Variants in CCDC85A observed in about 807,000 individuals in gnomAD.
CCDC85A encodes the protein coiled-coil domain-containing protein 85A.
In CCDC85A, 38 loss-of-function variants were observed where a neutral mutation model predicts 50.2. That is an observed-to-expected ratio of 0.76 (90% CI 0.58 to 0.99). The LOEUF (loss-of-function observed/expected upper bound fraction) is 0.99. Among genes scored for constraint, CCDC85A ranks in the 50% least tolerant of loss-of-function variants. CCDC85A has a pLI of 0.00. For missense variants in CCDC85A, 820 were observed against 742.0 expected (o/e 1.11, Z -1.22); for synonymous variants, 366 against 301.4 (o/e 1.21, Z -2.22).
intron 4 of CCDC85A, among the ~76,000 whole-genome samples, chr2:56,372,720 A>G (rs2104392113): frequency 6.6e-6 from 1 of 152,278 alleles, no homozygotes; most frequent in Non-Finnish European, 1.5e-5. Flanking sequence ...GAGAAGAACA[A>G]AAGTACCCTG....
intron 2 of CCDC85A, among the ~76,000 whole-genome samples, chr2:56,227,156 A>C (rs929004748): frequency 1.3e-5 from 2 of 152,154 alleles, no homozygotes; most frequent in Non-Finnish European, 2.9e-5. Flanking sequence ...TGTTGTTTCT[A>C]GTGTAAAAAC....
At chr2:56,302,781 G>C (rs1256151548) in intron 2 of CCDC85A, among the ~76,000 whole-genome samples, 1 of 152,122 alleles carries the variant, frequency 6.6e-6, no homozygotes, top group East Asian at 1.9e-4. Flanking sequence ...TGTTACATAA[G>C]GTCTTTTTCA....
chr2:56,384,422 A>G lies in CCDC85A; in HGVS notation c.*67A>G. ...GTGATAGAAGACAAGAAGAAAAAGGAAAGAGTGGGTTTCCACAAACCTGGA... is the reference window on the plus strand; with the variant it reads ...GTGATAGAAGACAAGAAGAAAAAGGGAAGAGTGGGTTTCCACAAACCTGGA... On this transcript the variant is annotated 3_prime_UTR_variant, in exon 6 of 6. Coordinates refer to ENST00000407595, the MANE Select transcript of CCDC85A (RefSeq NM_001080433.2). 1.4e-6 allele frequency: 2 copies of G among 1,402,446 alleles called. No homozygotes were observed. The highest frequency in any genetic ancestry group is 2.3e-5 in the East Asian group (1 of 43,498). The allele number at this position is 1,402,446 out of a possible 1,614,324, so 86.9% of individuals were successfully genotyped here. A position where few individuals can be genotyped will look rare whatever the true frequency, so the allele number is the denominator to read the frequency against.
Position 56,193,282 on chromosome 2 carries a change from A to C in CCDC85A, c.1082A>C (p.His361Pro). 6.2e-7 allele frequency: 1 copy of C among 1,613,938 alleles called. No homozygotes were observed. The highest frequency in any genetic ancestry group is 1.3e-5 in the African/African-American group (1 of 75,054). Residue 361 changes from histidine to proline, a missense_variant, in exon 2 of 6, where the codon CAC becomes CCC. Coordinates refer to ENST00000407595, the MANE Select transcript of CCDC85A (RefSeq NM_001080433.2). ...AGAGCCAGGGGCACCAGCCCGGAGCACCTCAAACAACATTATGGAGGGAGC... is the reference window on the plus strand; with the variant it reads ...AGAGCCAGGGGCACCAGCCCGGAGCCCCTCAAACAACATTATGGAGGGAGC... ...LPRARGTSPE[H>P]LKQHYGGSPD...
chr2:56,232,965 T>C (rs1273446719), intron 2 of CCDC85A, among the ~76,000 whole-genome samples: 1 of 152,132 alleles, frequency 6.6e-6, no homozygotes, highest in Non-Finnish European at 1.5e-5. Flanking sequence ...CTCTAGAGGG[T>C]TCTGCCTTGC....
intron 1 of CCDC85A, among the ~76,000 whole-genome samples, chr2:56,191,108 C>T (rs1161803986): frequency 6.6e-6 from 1 of 152,210 alleles, no homozygotes; most frequent in Admixed American, 6.5e-5. Flanking sequence ...CTCTCCCTGC[C>T]TGGGATCATC....
intron 2 of CCDC85A, among the ~76,000 whole-genome samples, chr2:56,309,502 A>G (rs190607297): frequency 2.0e-5 from 3 of 152,294 alleles, no homozygotes; most frequent in Admixed American, 2.0e-4. Flanking sequence ...AATAATGGTG[A>G]TCCTAAGTGA....
At chr2:56,259,000 G>A (rs75069660) in intron 2 of CCDC85A, among the ~76,000 whole-genome samples, 1,804 of 152,274 alleles carry the variant, frequency 0.012, 43 homozygotes, top group African/African-American at 0.041. Flanking sequence ...AACACTAAAT[G>A]AATAAAATAA....
chr2:56,363,754 G>T (rs1392027451), intron 3 of CCDC85A, among the ~76,000 whole-genome samples: 1 of 152,178 alleles, frequency 6.6e-6, no homozygotes, highest in African/African-American at 2.4e-5. Context: ...GCATGCTGAG[G>T]TGTTTAACAC....
intron 2 of CCDC85A, among the ~76,000 whole-genome samples, chr2:56,285,464 T>C (rs995491204): frequency 6.9e-6 from 1 of 144,248 alleles, no homozygotes; most frequent in Admixed American, 6.9e-5. Flanking sequence ...TTAATTATAT[T>C]ATTAATTATA....
chr2:56,352,996 A>G (rs996807174), intron 3 of CCDC85A, among the ~76,000 whole-genome samples: 2 of 152,220 alleles, frequency 1.3e-5, no homozygotes, highest in Non-Finnish European at 2.9e-5. Flanking sequence ...TATAATTAAT[A>G]TACAAAACAG....
rs1378928754 is a variant in CCDC85A at position 56,184,714 on chromosome 2, C to G, written c.90C>G (p.Pro30=). The part of the protein sequence containing the change: ...PAPAGSSAAP[P]APVEDLSKVS... ...CGGCCGGCTCGTCCGCGGCCCCGCC[C>G]GCGCCGGTGGAGGACCTGTCCAAAG... The change falls in exon 1 of 6, where the codon CCC becomes CCG. Residue 30 remains proline, a synonymous_variant. Coordinates refer to ENST00000407595, the MANE Select transcript of CCDC85A (RefSeq NM_001080433.2). The G allele has an allele frequency of 3.3e-6, 5 of 1,529,850 alleles. No individual in the cohort carries two copies. The highest frequency in any genetic ancestry group is 2.6e-6 in the Non-Finnish European group (3 of 1,141,708). The allele number at this position is 1,529,850 out of a possible 1,614,324, so 94.8% of individuals were successfully genotyped here. A position where few individuals can be genotyped will look rare whatever the true frequency, so the allele number is the denominator to read the frequency against.
chr2:56,207,088 C>T (rs1479451925), intron 2 of CCDC85A, among the ~76,000 whole-genome samples: 4 of 152,148 alleles, frequency 2.6e-5, no homozygotes, highest in African/African-American at 9.7e-5. Flanking sequence ...ATCTTGCAAC[C>T]TTGTGGACCC....
In CCDC85A at chr2:56,184,619, G is replaced by A; in HGVS notation, c.-6G>A. On this transcript the variant is annotated 5_prime_UTR_variant, in exon 1 of 6. Coordinates refer to ENST00000407595, the MANE Select transcript of CCDC85A (RefSeq NM_001080433.2). The stretch of plus-strand genomic sequence containing the variant: ...ACCCACTTGCACCTGCCACCCCGCG[G>A]ATACCATGTCGAAGGCGGCCGGAGG... The A allele has an allele frequency of 7.0e-7, 1 of 1,419,800 alleles. No individual in the cohort carries two copies. 88.0% of individuals were successfully genotyped at this position (1,419,800 alleles called of 1,614,324 possible).
intron 2 of CCDC85A, among the ~76,000 whole-genome samples, chr2:56,287,167 C>T (rs148224094): frequency 7.2e-5 from 11 of 152,286 alleles, no homozygotes; most frequent in Admixed American, 4.6e-4. Context: ...CAGAGTTTCA[C>T]TCTTCACTTT....
rs758672517 is a variant in CCDC85A at position 56,192,646 on chromosome 2, A to G, written c.446A>G (p.Lys149Arg). Residue 149 changes from lysine (K) to arginine (R), a missense_variant, in exon 2 of 6, where the codon AAA becomes AGA. Coordinates refer to ENST00000407595, the MANE Select transcript of CCDC85A (RefSeq NM_001080433.2). This position sits in a 1 kb window ranked among gnomAD's most constrained non-coding sequence, Gnocchi z 4.7. ...KEVALYLQKL[K>R]DLEVKQEEVV... ...GTGGCCTTATACCTGCAGAAGCTGA[A>G]AGACCTGGAGGTGAAGCAGGAGGAA... 2.5e-6 allele frequency: 4 copies of G among 1,613,872 alleles called. No homozygotes were observed. In the South Asian group the frequency reaches 4.4e-5, roughly 18 times the overall value.
intron 2 of CCDC85A, among the ~76,000 whole-genome samples, chr2:56,199,969 A>G (rs1676667088): frequency 6.6e-6 from 1 of 152,180 alleles, no homozygotes; most frequent in Non-Finnish European, 1.5e-5. Context: ...CCCTGGTTCA[A>G]ACGATTCTCC....
At chr2:56,327,490 G>C (rs1673534909) in intron 2 of CCDC85A, among the ~76,000 whole-genome samples, 1 of 152,038 alleles carries the variant, frequency 6.6e-6, no homozygotes, top group Non-Finnish European at 1.5e-5. Flanking sequence ...TATATGTTCA[G>C]TTATTTAGAA....
chr2:56,335,755 C>A (rs1027454141), intron 2 of CCDC85A, among the ~76,000 whole-genome samples: 6 of 152,024 alleles, frequency 3.9e-5, no homozygotes, highest in Admixed American at 2.6e-4. Flanking sequence ...GTGCCTGCCA[C>A]CACGCCAGGC....
Sources: gnomAD v4.1 joint callset for allele counts (sites outside exome capture counted in the v4.1 genomes callset) on GRCh38, gnomAD v4.1.1 for gene constraint, Gnocchi (gnomAD v3.1) non-coding constraint, MANE v1.5 for transcripts, NCBI Gene and HGNC (gene_info 2026-07-23, HGNC 2026-07-21) for gene names.